The following CATSPERD variants were observed in gnomAD, a reference collection of about 807,000 sequenced individuals.
The protein encoded by CATSPERD is cation channel sperm-associated auxiliary subunit delta.
Under a neutral mutation model 98.1 loss-of-function variants are expected in CATSPERD, and 86 were observed. That is an observed-to-expected ratio of 0.88 (90% CI 0.74 to 1.05). The LOEUF (loss-of-function observed/expected upper bound fraction) is 1.05. Ranked by LOEUF, CATSPERD falls within the 50% of genes least tolerant of loss-of-function variation. The pLI, the probability that CATSPERD is intolerant of heterozygous loss-of-function variation, is 0.00. For synonymous variants in CATSPERD, 394 were observed against 390.2 expected (o/e 1.01, Z -0.12); for missense variants, 995 against 1,005.7 (o/e 0.99, Z 0.14).
chr19:5,777,575 T>C (rs943596740), intron 21 of CATSPERD, among the ~76,000 whole-genome samples: 10 of 152,166 alleles, frequency 6.6e-5, no homozygotes, highest in Non-Finnish European at 1.2e-4. Context: ...ATGGAGAGGA[T>C]GGCTGACTCA....
At chr19:5,744,897 G>T (rs184761084) in intron 8 of CATSPERD, among the ~76,000 whole-genome samples, 1 of 151,548 alleles carries the variant, frequency 6.6e-6, no homozygotes, top group Non-Finnish European at 1.5e-5. Flanking sequence ...CACGGCGCCC[G>T]GCATCGATAA....
At chr19:5,751,862 GT>G in intron 12 of CATSPERD, 39 bp downstream of exon 12, 1 of 1,556,686 alleles carries the variant, frequency 6.4e-7, no homozygotes, top group African/African-American at 1.4e-5. Flanking sequence ...GTTCAATGTA[GT>G]TTTTAAAGAC....
At chr19:5,751,197 CAAAAAAAAAAAAAAAAAAAAAAAAAAA>C (rs556079596) in intron 11 of CATSPERD, among the ~76,000 whole-genome samples, 650 of 46,614 alleles carry the variant, frequency 0.014, 33 homozygotes, top group African/African-American at 0.047. Flanking sequence ...GATTCCGTCT[CAAAAAAAAAAAAAAAAAAAAAAAAAAA>C]AAAAAAAAAA....
At chr19:5,741,521 C>G (rs906805314) in intron 7 of CATSPERD, among the ~76,000 whole-genome samples, 1 of 152,014 alleles carries the variant, frequency 6.6e-6, no homozygotes, top group Non-Finnish European at 1.5e-5. Context: ...GAACAGTGCT[C>G]TCTTCAACGT....
At chr19:5,776,444 C>G (rs1212194347) in intron 21 of CATSPERD, 129 bp downstream of exon 21, 3 of 1,004,042 alleles carry the variant, frequency 3.0e-6, no homozygotes, top group Admixed American at 2.6e-5. Context: ...GTCCCCAGGA[C>G]AAGTGATGTT....
chr19:5,739,211 G>A (rs111806383), intron 6 of CATSPERD, 115 bp from the exon 7 acceptor site: 69 of 663,122 alleles, frequency 1.0e-4, no homozygotes, highest in African/African-American at 8.1e-4. Flanking sequence ...GAACAGTCAC[G>A]TCCAGACATC....
chr19:5,721,758 G>C (rs1335411433), intron 1 of CATSPERD, among the ~76,000 whole-genome samples: 1 of 152,012 alleles, frequency 6.6e-6, no homozygotes, highest in Non-Finnish European at 1.5e-5. Context: ...GTAGAGGTGG[G>C]CAGATCACTC....
chr19:5,768,292 C>G (rs759389830), intron 18 of CATSPERD, 50 bp downstream of exon 18: 24 of 1,412,900 alleles, frequency 1.7e-5, no homozygotes, highest in Non-Finnish European at 2.2e-5. Context: ...GACCATTGGG[C>G]CTGCAAAAGC....
chr19:5,752,892 C>G (rs2056247594), intron 12 of CATSPERD, among the ~76,000 whole-genome samples: 1 of 151,770 alleles, frequency 6.6e-6, no homozygotes, highest in African/African-American at 2.4e-5. Context: ...GATGGGCGTG[C>G]TGGCACATGC....
chr19:5,757,153 A>C (rs1033594945), intron 13 of CATSPERD, among the ~76,000 whole-genome samples: 1 of 148,856 alleles, frequency 6.7e-6, no homozygotes, highest in Non-Finnish European at 1.5e-5. Context: ...GGGAGGCTGA[A>C]GTAAGAGAAT....
chr19:5,730,831 T>G (rs887168863), intron 4 of CATSPERD, among the ~76,000 whole-genome samples: 1 of 151,636 alleles, frequency 6.6e-6, no homozygotes, highest in African/African-American at 2.4e-5. Context: ...AAACCCTGTC[T>G]CTACTAAAAA....
intron 14 of CATSPERD, among the ~76,000 whole-genome samples, chr19:5,758,742 T>TAA (rs1032263861): frequency 7.5e-6 from 1 of 133,286 alleles, no homozygotes. Flanking sequence ...GACTCAGTCT[T>TAA]AAAAAAAAAA....
At chr19:5,772,655 AGGCGTCCTTT>A (rs958134955) in intron 19 of CATSPERD, 123 bp from the exon 20 acceptor site, 54 of 834,332 alleles carry the variant, frequency 6.5e-5, no homozygotes, top group Non-Finnish European at 9.3e-5. Context: ...TGGGAGCGGC[AGGCGTCCTTT>A]GGTTTCCTCT....
chr19:5,765,739 G>T (rs796571213), intron 16 of CATSPERD, among the ~76,000 whole-genome samples: 2 of 152,148 alleles, frequency 1.3e-5, no homozygotes, highest in Non-Finnish European at 1.5e-5. Flanking sequence ...TTGAACCCAG[G>T]GGGAGGATGT....
At chr19:5,774,909 TG>T (rs2056713676) in intron 20 of CATSPERD, among the ~76,000 whole-genome samples, 1 of 151,552 alleles carries the variant, frequency 6.6e-6, no homozygotes, top group African/African-American at 2.4e-5. Context: ...TCCCGCTACT[TG>T]GAAAGCTGAG....
chr19:5,738,343 C>A, intron 6 of CATSPERD, among the ~76,000 whole-genome samples: 1 of 128,958 alleles, frequency 7.8e-6, no homozygotes. Context: ...CTTGTCTCTA[C>A]TCAAAATACA....
intron 7 of CATSPERD, among the ~76,000 whole-genome samples, chr19:5,743,419 G>A (rs772889331): frequency 4.6e-5 from 7 of 151,870 alleles, no homozygotes; most frequent in Non-Finnish European, 1.0e-4. Context: ...CCAACATGGC[G>A]AAACCCCGTT....
chr19:5,775,365 G>A (rs752589726), intron 20 of CATSPERD: 11 of 453,956 alleles, frequency 2.4e-5, no homozygotes, highest in Admixed American at 2.5e-5. Flanking sequence ...GGGGCCAGGC[G>A]AGGTGGCCAC....
chr19:5,739,560 G>A (rs938657871), intron 7 of CATSPERD, 121 bp downstream of exon 7: 10 of 586,532 alleles, frequency 1.7e-5, no homozygotes, highest in African/African-American at 1.6e-4. Context: ...GGACAGGAGT[G>A]GTGGCTCATG....
Sources: allele counts gnomAD v4.1 joint callset (sites outside exome capture counted in the v4.1 genomes callset), GRCh38; gene constraint gnomAD v4.1.1; transcripts MANE v1.5; gene names NCBI Gene and HGNC (gene_info 2026-07-23, HGNC 2026-07-21).